Variants in ENPP2 observed in about 807,000 individuals in gnomAD.
ENPP2 encodes ectonucleotide pyrophosphatase/phosphodiesterase 2.
In ENPP2, 51 loss-of-function variants were observed where a neutral mutation model predicts 120.2. That is an observed-to-expected ratio of 0.42 (90% CI 0.34 to 0.54). The LOEUF (loss-of-function observed/expected upper bound fraction) is 0.54, where lower values mean the gene tolerates loss of function less well. Ranked by LOEUF, ENPP2 falls within the 20% of genes least tolerant of loss-of-function variation. The pLI, the probability that ENPP2 is intolerant of heterozygous loss-of-function variation, is 0.04. For synonymous variants in ENPP2, 365 were observed against 366.4 expected (o/e 1.00, Z 0.04); for missense variants, 920 against 1,066.5 (o/e 0.86, Z 1.91).
Position 119,626,696 on chromosome 8 carries a change from T to C in ENPP2, c.161A>G (p.Asn54Ser), listed in dbSNP as rs762477048. The change falls in exon 3 of 25, where the codon AAC (asparagine) becomes AGC (serine). Residue 54 changes from asparagine (N) to serine (S), a missense_variant. Transcript: ENST00000075322. Reference sequence around the variant, plus strand: ...CCTGCCCTTGCAAGATCCGGAGATGTTGGTCCAGGGGGAGTCTGATAGCAC... The same window carrying C: ...CCTGCCCTTGCAAGATCCGGAGATGCTGGTCCAGGGGGAGTCTGATAGCAC... ...PTVLSDSPWT[N>S]ISGSCKGRCF... 1.9e-6 allele frequency: 3 copies of C among 1,614,024 alleles called. No individual in the cohort carries two copies. Among genetic ancestry groups the C allele is most frequent in the Non-Finnish European group, 2.5e-6 (3 of 1,179,946 alleles).
Position 119,586,204 on chromosome 8 carries a change from C to T in ENPP2, c.1349G>A (p.Arg450His), listed in dbSNP as rs747849078. The stretch of plus-strand genomic sequence containing the variant: ...CAGTTACCTTGCAACATGCCATCTG[C>T]GTTCCACCAATAAATGGATATCCTC... Reference protein sequence around the residue: ...RIEDIHLLVERRWHVARKPLD... With the variant: ...RIEDIHLLVEHRWHVARKPLD... Residue 450 changes from arginine (R) to histidine (H), a missense_variant, in exon 15 of 25, where the codon CGC (arginine) becomes CAC (histidine). Physicochemically the swap from Arg to His is conservative, Grantham distance 29. Coordinates refer to ENST00000075322, the MANE Select transcript of ENPP2 (RefSeq NM_001040092.3). 9.3e-6 allele frequency: 15 copies of T among 1,613,900 alleles called. No individual in the cohort carries two copies. The African/African-American group carries it at 1.1e-4, about 11-fold the overall frequency.
rs985216170 is a variant in ENPP2 at position 119,601,253 on chromosome 8, A to C, written c.899+144T>G. ...AACCAAAGTCTATTGTATCCTTCTT[A>C]GGGAAGTAACACTTAAGGCTAAGAA... On this transcript the variant is annotated intron_variant, in intron 10 of 24. Coordinates refer to ENST00000075322, the MANE Select transcript of ENPP2 (RefSeq NM_001040092.3). The C allele has an allele frequency of 4.9e-6, 3 of 610,786 alleles. No individual in the cohort carries two copies. The African/African-American group carries it at 5.6e-5, about 11-fold the overall frequency. 37.8% of individuals were successfully genotyped at this position (610,786 alleles called of 1,614,324 possible). A position where few individuals can be genotyped will look rare whatever the true frequency, so the allele number is the denominator to read the frequency against.
intron 2 of ENPP2, among the ~76,000 whole-genome samples, chr8:119,637,580 C>T (rs1308705973): frequency 6.6e-6 from 1 of 152,134 alleles, no homozygotes; most frequent in East Asian, 1.9e-4. Context: ...GGAAGACAGA[C>T]AAACATGCTG....
intron 1 of ENPP2, among the ~76,000 whole-genome samples, chr8:119,672,208 G>A (rs1472171442): frequency 6.6e-6 from 1 of 152,154 alleles, no homozygotes; most frequent in East Asian, 1.9e-4. Context: ...AGAAAACTGA[G>A]GTGGCAGCCA....
chr8:119,647,727 G>A (rs1013875545), intron 1 of ENPP2, among the ~76,000 whole-genome samples: 45 of 152,262 alleles, frequency 3.0e-4, no homozygotes, highest in African/African-American at 1.0e-3. Flanking sequence ...TTCTGTGGCC[G>A]GGCGCAGTGG....
At chr8:119,649,089 G>A (rs1189949704) in intron 1 of ENPP2, among the ~76,000 whole-genome samples, 1 of 152,024 alleles carries the variant, frequency 6.6e-6, no homozygotes, top group Non-Finnish European at 1.5e-5. Flanking sequence ...CAATCTAAAA[G>A]TTAAGAAGAA....
At chr8:119,663,450 T>C (rs972864317) in intron 1 of ENPP2, among the ~76,000 whole-genome samples, 1 of 152,220 alleles carries the variant, frequency 6.6e-6, no homozygotes, top group African/African-American at 2.4e-5. Flanking sequence ...ACATTGTTTA[T>C]CTGAAACTGA....
chr8:119,633,374 T>G (rs533730233), intron 2 of ENPP2, among the ~76,000 whole-genome samples: 108 of 152,200 alleles, frequency 7.1e-4, no homozygotes, highest in Non-Finnish European at 1.2e-3. Flanking sequence ...CCTCCCATTC[T>G]CCTTGGTTCT....
rs1007749270 is a variant in ENPP2, at chr8:119,617,099, T to C, written c.657+65A>G. 3.0e-6 allele frequency: 3 copies of C among 1,009,492 alleles called. No homozygotes were observed. In the African/African-American group the frequency reaches 4.8e-5, roughly 16 times the overall value. The allele number at this position is 1,009,492 out of a possible 1,614,324, so 62.5% of individuals were successfully genotyped here. The stretch of plus-strand genomic sequence containing the variant: ...GAACACGTTTTAAAAGTAAAGTCTC[T>C]CCTTTAAAGTCATTCCAGGATGAAA... On this transcript the variant is annotated intron_variant, in intron 7 of 24. Transcript: ENST00000075322.
chr8:119,661,437 A>T (rs1379196171), intron 1 of ENPP2, among the ~76,000 whole-genome samples: 1 of 152,216 alleles, frequency 6.6e-6, no homozygotes, highest in Non-Finnish European at 1.5e-5. Flanking sequence ...TCATCAGGGA[A>T]ATGCAAAGCA....
At chr8:119,648,303 A>AGTAGT (rs1817532577) in intron 1 of ENPP2, among the ~76,000 whole-genome samples, 1 of 152,226 alleles carries the variant, frequency 6.6e-6, no homozygotes, top group Non-Finnish European at 1.5e-5. Context: ...TAGAGTGCTT[A>AGTAGT]GTAGTGACAT....
At chr8:119,659,029 T>C (rs539649764) in intron 1 of ENPP2, among the ~76,000 whole-genome samples, 1 of 152,040 alleles carries the variant, frequency 6.6e-6, no homozygotes, top group East Asian at 1.9e-4. Flanking sequence ...AGACCAGACT[T>C]CTTGGCTGGG....
chr8:119,568,317 G>A (rs201323249), intron 21 of ENPP2, 65 bp from the exon 22 acceptor site: 6 of 709,810 alleles, frequency 8.5e-6, no homozygotes, highest in Admixed American at 2.5e-5. Context: ...AAAAAAAAAA[G>A]GGAGAGGGGG....
chr8:119,594,066 T>C (rs1813723027), intron 11 of ENPP2, among the ~76,000 whole-genome samples: 1 of 152,178 alleles, frequency 6.6e-6, no homozygotes, highest in Non-Finnish European at 1.5e-5. Context: ...TTAAAACCTC[T>C]CCTCATCCAA....
chr8:119,620,996 G>C (rs998647539), intron 4 of ENPP2, among the ~76,000 whole-genome samples: 2 of 152,122 alleles, frequency 1.3e-5, no homozygotes, highest in Non-Finnish European at 2.9e-5. Context: ...GTCCTCACTT[G>C]TCTCTCCACA....
At chr8:119,670,431 T>C (rs1412084075) in intron 1 of ENPP2, among the ~76,000 whole-genome samples, 1 of 152,232 alleles carries the variant, frequency 6.6e-6, no homozygotes, top group Non-Finnish European at 1.5e-5. Flanking sequence ...TAAATGGTCA[T>C]TCACAAAAAT....
At chr8:119,563,405 AAAG>A (rs1274896360) in intron 23 of ENPP2, among the ~76,000 whole-genome samples, 2 of 152,186 alleles carry the variant, frequency 1.3e-5, no homozygotes, top group East Asian at 3.8e-4. Context: ...ATGCTCCATT[AAAG>A]GTTTTTGTGC....
chr8:119,584,331 TGCTCTGCCTGTCTAGGTGCTTCGCTA>T (rs1430263057), intron 15 of ENPP2, among the ~76,000 whole-genome samples: 3 of 152,142 alleles, frequency 2.0e-5, no homozygotes, highest in Non-Finnish European at 4.4e-5. Context: ...TCAAAAGTCA[TGCTCTGCCTGTCTAGGTGCTTCGCTA>T]GCTCTGAGAC....
At chr8:119,569,797 A>C (rs1321390793) in intron 20 of ENPP2, among the ~76,000 whole-genome samples, 1 of 151,298 alleles carries the variant, frequency 6.6e-6, no homozygotes, top group East Asian at 2.0e-4. Flanking sequence ...GAACATACGT[A>C]TGTGTACACA....
Sources: allele counts gnomAD v4.1 joint callset (sites outside exome capture counted in the v4.1 genomes callset), GRCh38; gene constraint gnomAD v4.1.1; transcripts MANE v1.5; gene names NCBI Gene and HGNC (gene_info 2026-07-23, HGNC 2026-07-21).